The following CSMD2 variants were observed in gnomAD, a reference collection of about 807,000 sequenced individuals.
CSMD2 encodes the protein CUB and sushi domain-containing protein 2.
CSMD2 carries 130 observed loss-of-function variants against 398.5 expected under a neutral mutation model. The ratio of observed to expected loss-of-function variants is 0.33; its 90% CI spans 0.28 to 0.38. The LOEUF is 0.38. CSMD2 is among the 10% of genes least tolerant of loss of function. The probability of loss-of-function intolerance (pLI) is 1.00; values close to 1 mark genes in which losing one functional copy is unlikely to be tolerated. For synonymous variants in CSMD2, 1,828 were observed against 1,908.5 expected, an observed-to-expected ratio of 0.96 and a Z score of 1.10; for missense variants, 3,829 against 4,764.9, an observed-to-expected ratio of 0.80 and a Z score of 5.78.
At chr1:33,837,263 T>C (rs2125055446) in intron 6 of CSMD2, among the ~76,000 whole-genome samples, 1 of 151,910 alleles carries the variant, frequency 6.6e-6, no homozygotes, top group South Asian at 2.1e-4. Flanking sequence ...CAAAGGCAGG[T>C]CTCCAAAACT....
intron 1 of CSMD2, among the ~76,000 whole-genome samples, chr1:34,134,213 G>A (rs1340384949): frequency 6.6e-6 from 1 of 152,058 alleles, no homozygotes; most frequent in Non-Finnish European, 1.5e-5. Flanking sequence ...CCTGACAACA[G>A]CCAACACTCT....
chr1:33,623,516 C>G, intron 35 of CSMD2, 50 bp from the exon 36 acceptor site: 1 of 1,324,390 alleles, frequency 7.6e-7, no homozygotes, highest in Non-Finnish European at 1.1e-6. Flanking sequence ...GCGTCCCTCC[C>G]TCCTTCTCTG....
intron 4 of CSMD2, among the ~76,000 whole-genome samples, chr1:33,927,343 T>C (rs1358620126): frequency 6.6e-6 from 1 of 152,150 alleles, no homozygotes; most frequent in African/African-American, 2.4e-5. Context: ...CAGACTCCTA[T>C]AGTTACAGCC....
At chr1:33,919,334 C>T (rs138539428) in intron 4 of CSMD2, among the ~76,000 whole-genome samples, 20 of 152,140 alleles carry the variant, frequency 1.3e-4, no homozygotes, top group Non-Finnish European at 2.9e-4. Flanking sequence ...GTTTTGGACA[C>T]GCAGAAGTGG....
At chr1:33,855,089 G>A (rs2125098860) in intron 5 of CSMD2, among the ~76,000 whole-genome samples, 1 of 152,284 alleles carries the variant, frequency 6.6e-6, no homozygotes, top group South Asian at 2.1e-4. Flanking sequence ...TGGTGCTGAT[G>A]CCAAGCTCTG....
At chr1:33,783,921 C>A (rs1653169550) in intron 12 of CSMD2, among the ~76,000 whole-genome samples, 2 of 152,066 alleles carry the variant, frequency 1.3e-5, no homozygotes, top group Non-Finnish European at 2.9e-5. Context: ...ATTCTCACAC[C>A]CTCCTGGTGA....
chr1:33,621,902 C>A (rs1006174738), intron 37 of CSMD2, among the ~76,000 whole-genome samples: 5 of 152,184 alleles, frequency 3.3e-5, no homozygotes, highest in African/African-American at 1.2e-4. Flanking sequence ...ATACTGGGAC[C>A]TTGGCCAATG....
Position 33,519,385 on chromosome 1 carries a change from C to T in CSMD2, c.*53+80G>A. On this transcript the variant is annotated intron_variant, in intron 70 of 70. Coordinates refer to ENST00000373381, the MANE Select transcript of CSMD2 (RefSeq NM_001281956.2). This position sits in a 1 kb window ranked among gnomAD's most constrained non-coding sequence, Gnocchi z 5.6. Reference sequence around the variant, plus strand: ...GTGTGTCTATGTGGTGTGTGCGACTCCGTTGGGTGGAGCCCCTGGCACGCA... The same window carrying T: ...GTGTGTCTATGTGGTGTGTGCGACTTCGTTGGGTGGAGCCCCTGGCACGCA... The T allele has an allele frequency of 1.2e-6, 1 of 830,840 alleles. No homozygotes were observed. 51.5% of individuals were successfully genotyped at this position (830,840 alleles called of 1,614,324 possible).
At chr1:33,768,531 CGTGCATGTGTGTGTGTGT>C (rs1222013219) in intron 13 of CSMD2, among the ~76,000 whole-genome samples, 3 of 125,708 alleles carry the variant, frequency 2.4e-5, no homozygotes, top group South Asian at 3.0e-4. Context: ...GGAATGTGTG[CGTGCATGTGTGTGTGTGT>C]GTGTGTGTGT....
intron 16 of CSMD2, 81 bp downstream of exon 16, chr1:33,726,465 CT>C: frequency 6.8e-7 from 1 of 1,477,400 alleles, no homozygotes; most frequent in Non-Finnish European, 9.2e-7. Context: ...TACTGGTCCC[CT>C]ATCCACCCTG....
intron 5 of CSMD2, among the ~76,000 whole-genome samples, chr1:33,852,661 T>C (rs546852604): frequency 1.3e-5 from 2 of 152,380 alleles, no homozygotes; most frequent in East Asian, 3.9e-4. Context: ...ATCTTTTGAG[T>C]TGACCATCTC....
chr1:33,929,172 A>G (rs1379453838), intron 4 of CSMD2, among the ~76,000 whole-genome samples: 1 of 152,002 alleles, frequency 6.6e-6, no homozygotes, highest in Non-Finnish European at 1.5e-5. Flanking sequence ...CAACCCATCT[A>G]TAAGGTCTGT....
chr1:34,020,704 G>A (rs1244585670), intron 3 of CSMD2, among the ~76,000 whole-genome samples: 1 of 152,180 alleles, frequency 6.6e-6, no homozygotes, highest in African/African-American at 2.4e-5. Flanking sequence ...CTCAGGCAAG[G>A]TAACTCACCT....
intron 3 of CSMD2, among the ~76,000 whole-genome samples, chr1:33,945,438 G>T (rs1230896143): frequency 6.6e-6 from 1 of 152,088 alleles, no homozygotes; most frequent in Non-Finnish European, 1.5e-5. Context: ...AAAAGTTGGG[G>T]CCATTTCTCT....
chr1:34,078,905 C>T (rs1408977156), intron 2 of CSMD2, among the ~76,000 whole-genome samples: 6 of 152,194 alleles, frequency 3.9e-5, no homozygotes, highest in Non-Finnish European at 8.8e-5. Flanking sequence ...TTCTTACTCC[C>T]AGTCCACTGT....
At chr1:34,138,682 T>C (rs1638990704) in intron 1 of CSMD2, among the ~76,000 whole-genome samples, 1 of 152,226 alleles carries the variant, frequency 6.6e-6, no homozygotes, top group Non-Finnish European at 1.5e-5. Context: ...TCCAAATATA[T>C]GAATATTTTA....
Position 33,514,449 on chromosome 1 carries a change from C to T in CSMD2, c.*2175G>A, listed in dbSNP as rs368743918. ...GGGCCTCATCTGCCCTGTTCCCTTC[C>T]AAGCCTCTGGAGGTGGAGAGAAATG... On this transcript the variant is annotated 3_prime_UTR_variant, in exon 71 of 71. Transcript: ENST00000373381. 6.6e-6 allele frequency: 1 copy of T among 151,766 alleles called. No individual in the cohort carries two copies. Among genetic ancestry groups the T allele is most frequent in the South Asian group, 2.1e-4 (1 of 4,792 alleles). 9.4% of individuals were successfully genotyped at this position (151,766 alleles called of 1,614,324 possible).
In CSMD2 at chr1:33,567,609, C is replaced by G. The variant is rs1167388950; in HGVS notation, c.8364G>C (p.Lys2788Asn). The G allele has an allele frequency of 6.2e-7, 1 of 1,614,126 alleles. No homozygotes were observed. ...ICQQDHHWSG[K>N]TPFCVPITCG... ...CATACTTACGCACACAGAAAGGGGT[C>G]TTGCCCGACCAGTGATGATCCTGCT... Residue 2788 changes from lysine to asparagine, a missense_variant, in exon 53 of 71, where the codon AAG becomes AAC. Physicochemically the swap from Lys to Asn is moderately conservative, Grantham distance 94 (BLOSUM62 0). Around this residue, in one of 5 missense-constraint regions of CSMD2, gnomAD observed 917 missense variants for 1,199.5 expected, o/e 0.76. Transcript: ENST00000373381.
intron 1 of CSMD2, among the ~76,000 whole-genome samples, chr1:34,101,097 CTTT>C (rs1392241706): frequency 1.3e-5 from 2 of 152,210 alleles, no homozygotes; most frequent in Non-Finnish European, 1.5e-5. Context: ...TGGCTTTGTC[CTTT>C]CATGCCCATG....
Sources: allele counts gnomAD v4.1 joint callset (sites outside exome capture counted in the v4.1 genomes callset), GRCh38; gene constraint gnomAD v4.1.1; regional missense constraint gnomAD v4.1.1; non-coding constraint Gnocchi (gnomAD v3.1); transcripts MANE v1.5; gene names NCBI Gene and HGNC (gene_info 2026-07-23, HGNC 2026-07-21).